The following TCF12 variants were observed in gnomAD, a reference collection of about 807,000 sequenced individuals.
The protein encoded by TCF12 is transcription factor 12, also known as DNA-binding protein HTF4.
In TCF12, 45 loss-of-function variants were observed where a neutral mutation model predicts 86.0. That is an observed-to-expected ratio of 0.52 (90% CI 0.41 to 0.67). The LOEUF is 0.67. Among genes scored for constraint, TCF12 ranks in the 30% least tolerant of loss-of-function variants. The probability of loss-of-function intolerance (pLI) is 0.00; values close to 1 mark genes in which losing one functional copy is unlikely to be tolerated. For synonymous variants in TCF12, 330 were observed against 299.6 expected (o/e 1.10, Z -1.05); for missense variants, 881 against 859.9 (o/e 1.02, Z -0.31).
chr15:57,077,369 G>A (rs377676659), intron 4 of TCF12, among the ~76,000 whole-genome samples: 48,082 of 97,462 alleles, frequency 0.49, 12,137 homozygotes, highest in Non-Finnish European at 0.56. Context: ...GTGTGTGTGT[G>A]TGTGTATATA....
upstream of TCF12, chr15:56,918,098 C>G: frequency 2.4e-6 from 1 of 417,938 alleles, no homozygotes; most frequent in Non-Finnish European, 4.8e-6. Flanking sequence ...TCGGAACGGC[C>G]GAGGAGGATG....
At chr15:56,945,457 T>C (rs2060953478) in intron 3 of TCF12, among the ~76,000 whole-genome samples, 1 of 152,102 alleles carries the variant, frequency 6.6e-6, no homozygotes, top group Non-Finnish European at 1.5e-5. Flanking sequence ...ATTCTCTTTA[T>C]TTTTGCTTAT....
intron 3 of TCF12, among the ~76,000 whole-genome samples, chr15:56,994,302 T>C (rs963237320): frequency 2.6e-5 from 4 of 152,126 alleles, no homozygotes; most frequent in African/African-American, 7.2e-5. Context: ...ACAATATTTT[T>C]AGACATCCAG....
At chr15:56,969,334 GAC>G (rs2140708439) in intron 3 of TCF12, among the ~76,000 whole-genome samples, 1 of 152,214 alleles carries the variant, frequency 6.6e-6, no homozygotes, top group East Asian at 1.9e-4. Context: ...CCAGTTAGGA[GAC>G]TACAGAAGAT....
intron 4 of TCF12, 69 bp downstream of exon 4, chr15:57,063,892 C>A: frequency 8.4e-7 from 1 of 1,186,718 alleles, no homozygotes; most frequent in Non-Finnish European, 1.2e-6. Context: ...TTCATATATG[C>A]TGTTTCTTAT....
intron 4 of TCF12, among the ~76,000 whole-genome samples, chr15:57,083,515 A>G (rs2048442577): frequency 6.6e-6 from 1 of 152,056 alleles, no homozygotes; most frequent in Non-Finnish European, 1.5e-5. Flanking sequence ...TAGGCAAATG[A>G]AAAAAATACT....
chr15:56,935,765 T>C (rs1236387746), intron 3 of TCF12, among the ~76,000 whole-genome samples: 1 of 152,190 alleles, frequency 6.6e-6, no homozygotes, highest in Non-Finnish European at 1.5e-5. Context: ...CTTAGGACAA[T>C]AGTCTCCAGT....
intron 12 of TCF12, among the ~76,000 whole-genome samples, chr15:57,234,377 G>T (rs2059295611): frequency 6.6e-6 from 1 of 152,174 alleles, no homozygotes; most frequent in African/African-American, 2.4e-5. Flanking sequence ...TACATAGTTA[G>T]TAAGTGGTCC....
chr15:57,028,714 A>G (rs1424577025), intron 3 of TCF12, among the ~76,000 whole-genome samples: 1 of 152,146 alleles, frequency 6.6e-6, no homozygotes, highest in Non-Finnish European at 1.5e-5. Flanking sequence ...TGTCTTGTCT[A>G]AAAAACATCT....
At chr15:57,023,806 G>A (rs1314074915) in intron 3 of TCF12, among the ~76,000 whole-genome samples, 1 of 152,202 alleles carries the variant, frequency 6.6e-6, no homozygotes, top group African/African-American at 2.4e-5. Context: ...ACCAGGAACT[G>A]GTTTTGTGGA....
At chr15:56,919,777 A>G in intron 1 of TCF12, 115 bp from the exon 2 acceptor site, 1 of 866,988 alleles carries the variant, frequency 1.2e-6, no homozygotes, top group Non-Finnish European at 1.7e-6. Flanking sequence ...GGGGTCCTGG[A>G]AGTCATCCCG....
Position 57,273,131 on chromosome 15 carries a change from A to G in TCF12, c.1847A>G (p.Asp616Gly). The G allele has an allele frequency of 6.2e-7, 1 of 1,614,240 alleles. No homozygotes were observed. The highest frequency in any genetic ancestry group is 8.5e-7 in the Non-Finnish European group (1 of 1,180,040). Reference protein sequence around the residue: ...NNARERLRVRDINEAFKELGR... With the variant: ...NNARERLRVRGINEAFKELGR... ...GCCAGAGAACGCTTACGCGTGCGGG[A>G]TATTAATGAAGCATTCAAAGAGCTT... The change falls in exon 19 of 21, where the codon GAT becomes GGT. Residue 616 changes from aspartate to glycine, a missense_variant. Around this residue, in one of 3 missense-constraint regions of TCF12, gnomAD observed 46 missense variants for 76.7 expected, o/e 0.60. Coordinates refer to ENST00000333725, the MANE Select transcript of TCF12 (RefSeq NM_207037.2).
At chr15:57,015,435 T>C (rs1214089734) in intron 3 of TCF12, among the ~76,000 whole-genome samples, 1 of 152,204 alleles carries the variant, frequency 6.6e-6, no homozygotes, top group Admixed American at 6.5e-5. Context: ...CCATGCAAAA[T>C]AGCTGTCAAT....
intron 3 of TCF12, among the ~76,000 whole-genome samples, chr15:57,025,021 G>A (rs961448555): frequency 2.6e-5 from 4 of 152,064 alleles, no homozygotes; most frequent in African/African-American, 9.6e-5. Context: ...TAGCTATGAT[G>A]GAACAGCACC....
chr15:56,918,116 C>G (rs982461005), upstream of TCF12: 2 of 439,884 alleles, frequency 4.5e-6, no homozygotes, highest in South Asian at 1.6e-5. Flanking sequence ...ATGGGTCTCC[C>G]GTCTCCACAC....
intron 5 of TCF12, among the ~76,000 whole-genome samples, chr15:57,136,869 T>C (rs1250465808): frequency 6.6e-6 from 1 of 151,644 alleles, no homozygotes; most frequent in African/African-American, 2.4e-5. Context: ...CAGGCTGGTC[T>C]TGAACTCTTA....
chr15:57,194,752 A>G (rs1716379727), intron 7 of TCF12, among the ~76,000 whole-genome samples: 1 of 152,162 alleles, frequency 6.6e-6, no homozygotes, highest in Non-Finnish European at 1.5e-5. Flanking sequence ...GTATTATCAC[A>G]ATACATGAAA....
intron 9 of TCF12, among the ~76,000 whole-genome samples, chr15:57,231,612 A>G (rs1035475565): frequency 1.3e-5 from 2 of 152,182 alleles, no homozygotes; most frequent in African/African-American, 4.8e-5. Context: ...TAGAATTACC[A>G]ATATAAAGAA....
intron 5 of TCF12, among the ~76,000 whole-genome samples, chr15:57,120,879 A>G (rs771710899): frequency 2.6e-5 from 4 of 152,154 alleles, no homozygotes; most frequent in Non-Finnish European, 4.4e-5. Context: ...TACTCAGGAT[A>G]CTGAGGTTGG....
Sources: gnomAD v4.1 joint callset for allele counts (sites outside exome capture counted in the v4.1 genomes callset) on GRCh38, gnomAD v4.1.1 for gene constraint, gnomAD v4.1.1 regional missense constraint, MANE v1.5 for transcripts, NCBI Gene and HGNC (gene_info 2026-07-23, HGNC 2026-07-21) for gene names.